ELAVL4: variants seen among roughly 807,000 people sequenced by gnomAD.
ELAVL4 encodes the protein ELAV-like protein 4.
A neutral mutation model predicts 35.6 loss-of-function variants in ELAVL4; 1 was observed. The ratio of observed to expected loss-of-function variants is 0.03; its 90% CI spans 0.01 to 0.13. The LOEUF (loss-of-function observed/expected upper bound fraction) is 0.13, where lower values mean the gene tolerates loss of function less well. Ranked by LOEUF, ELAVL4 falls within the 10% of genes least tolerant of loss-of-function variation. The probability of loss-of-function intolerance (pLI) is 1.00; values close to 1 mark genes in which losing one functional copy is unlikely to be tolerated. For synonymous variants in ELAVL4, 156 were observed against 171.0 expected, an observed-to-expected ratio of 0.91 and a Z score of 0.69; for missense variants, 267 against 464.9, an observed-to-expected ratio of 0.57 and a Z score of 3.91.
chr1:50,061,892 C>T (rs547434996), intron 1 of ELAVL4, among the ~76,000 whole-genome samples: 2 of 152,346 alleles, frequency 1.3e-5, no homozygotes, highest in Admixed American at 1.3e-4. Flanking sequence ...AAAATTTTCA[C>T]AGCAAACTAA....
chr1:50,106,900 A>T (rs1666372572), upstream of ELAVL4, among the ~76,000 whole-genome samples: 1 of 152,220 alleles, frequency 6.6e-6, no homozygotes, highest in South Asian at 2.1e-4. Context: ...CCTAATGTTA[A>T]TTTATGGTTC....
At chr1:50,189,915 A>C (rs1402183979) in intron 3 of ELAVL4, among the ~76,000 whole-genome samples, 1 of 152,246 alleles carries the variant, frequency 6.6e-6, no homozygotes, top group East Asian at 1.9e-4. Flanking sequence ...GATCATAAGC[A>C]TGATGCTATA....
At chr1:50,058,712 C>T (rs1021313561) in intron 1 of ELAVL4, among the ~76,000 whole-genome samples, 11 of 151,832 alleles carry the variant, frequency 7.2e-5, no homozygotes, top group African/African-American at 2.7e-4. Context: ...CCCCCAGGCT[C>T]AGGTAATCCT....
At chr1:50,095,675 T>C (rs1665690677) in intron 1 of ELAVL4, among the ~76,000 whole-genome samples, 1 of 152,236 alleles carries the variant, frequency 6.6e-6, no homozygotes, top group Non-Finnish European at 1.5e-5. Flanking sequence ...TCTGAGAATA[T>C]GGGCTACAAT....
chr1:50,073,716 A>C (rs1457720406), intron 1 of ELAVL4, among the ~76,000 whole-genome samples: 2 of 152,174 alleles, frequency 1.3e-5, no homozygotes, highest in Non-Finnish European at 2.9e-5. Context: ...TTGGTCGTCC[A>C]CTGGAGTTTG....
At chr1:50,163,188 CA>C (rs1243808291) in intron 2 of ELAVL4, among the ~76,000 whole-genome samples, 4 of 152,180 alleles carry the variant, frequency 2.6e-5, no homozygotes, top group Non-Finnish European at 5.9e-5. Flanking sequence ...TGTCTCCTGT[CA>C]ATTTTTTCAA....
chr1:50,055,025 TTC>T (rs1663582138), intron 1 of ELAVL4, among the ~76,000 whole-genome samples: 1 of 152,156 alleles, frequency 6.6e-6, no homozygotes, highest in South Asian at 2.1e-4. Flanking sequence ...TCTCTATGGG[TTC>T]TCTCAAGATC....
intron 2 of ELAVL4, among the ~76,000 whole-genome samples, chr1:50,166,733 T>G (rs1677994835): frequency 6.6e-6 from 1 of 152,214 alleles, no homozygotes; most frequent in African/African-American, 2.4e-5. Context: ...GAATCTCCTG[T>G]ATTCCATGTA....
At chr1:50,091,285 G>A (rs2148505258) in intron 1 of ELAVL4, among the ~76,000 whole-genome samples, 1 of 152,354 alleles carries the variant, frequency 6.6e-6, no homozygotes, top group South Asian at 2.1e-4. Flanking sequence ...GAAACCGTAA[G>A]TGGATCTGCT....
intron 2 of ELAVL4, chr1:50,175,983 G>A (rs1230497291): frequency 3.9e-5 from 6 of 152,148 alleles, no homozygotes; most frequent in Admixed American, 3.9e-4. Context: ...ACATTGCTTG[G>A]GAAGTTCAGG....
chr1:50,160,996 C>G (rs1676707296), intron 2 of ELAVL4, among the ~76,000 whole-genome samples: 2 of 152,094 alleles, frequency 1.3e-5, no homozygotes, highest in Admixed American at 1.3e-4. Flanking sequence ...TCATTTTGCC[C>G]AAAGGCTAAT....
intron 1 of ELAVL4, among the ~76,000 whole-genome samples, chr1:50,135,365 CAGGT>C: frequency 6.6e-6 from 1 of 152,256 alleles, no homozygotes; most frequent in Non-Finnish European, 1.5e-5. Context: ...AGTATCAAAA[CAGGT>C]AGGATTAGTC....
At position 50,203,425 on chromosome 1, in the gene ELAVL4, T is replaced by C. The variant is rs913069221; in HGVS notation, c.*2247T>C. 6.6e-6 allele frequency: 1 copy of C among 152,124 alleles called. No homozygotes were observed. Among genetic ancestry groups the C allele is most frequent in the South Asian group, 2.1e-4 (1 of 4,836 alleles). The allele number at this position is 152,124 out of a possible 1,614,324, so 9.4% of individuals were successfully genotyped here. The stretch of plus-strand genomic sequence containing the variant: ...TTTTGGATATAACACCAGATTTCAG[T>C]TCAGAGAACACTCGTTCAACATTCA... On this transcript the variant is annotated 3_prime_UTR_variant, in exon 7 of 7. Transcript: ENST00000371824.
chr1:50,169,085 T>G (rs1678521685), intron 2 of ELAVL4, among the ~76,000 whole-genome samples: 1 of 151,892 alleles, frequency 6.6e-6, no homozygotes, highest in Admixed American at 6.6e-5. Context: ...GGAGAGCCAG[T>G]CTGAGTCAAA....
upstream of ELAVL4, among the ~76,000 whole-genome samples, chr1:50,108,211 G>T (rs574680471): frequency 6.6e-6 from 1 of 152,252 alleles, no homozygotes; most frequent in South Asian, 2.1e-4. Context: ...GAGGCTGACA[G>T]CTGCCCCTCC....
intron 1 of ELAVL4, among the ~76,000 whole-genome samples, chr1:50,116,527 C>A (rs1192439066): frequency 6.6e-6 from 1 of 151,870 alleles, no homozygotes; most frequent in African/African-American, 2.4e-5. Flanking sequence ...CCTAAGCTGC[C>A]AGTCTAAACC....
intron 1 of ELAVL4, among the ~76,000 whole-genome samples, chr1:50,140,199 T>G (rs886900306): frequency 6.6e-6 from 1 of 152,136 alleles, no homozygotes; most frequent in Non-Finnish European, 1.5e-5. Context: ...CAAAGTTGGC[T>G]GTGAGACCCA....
chr1:50,194,304 G>T (rs1367073797), intron 4 of ELAVL4, among the ~76,000 whole-genome samples: 1 of 152,324 alleles, frequency 6.6e-6, no homozygotes, highest in South Asian at 2.1e-4. Context: ...GCATTATAGA[G>T]TTAGAAGGAA....
intron 1 of ELAVL4, among the ~76,000 whole-genome samples, chr1:50,084,790 A>G (rs1221300766): frequency 6.6e-6 from 1 of 152,108 alleles, no homozygotes; most frequent in Non-Finnish European, 1.5e-5. Context: ...GTTTTCCCTG[A>G]AAGTCTTATC....
Sources: gnomAD v4.1 joint callset for allele counts (sites outside exome capture counted in the v4.1 genomes callset) on GRCh38, gnomAD v4.1.1 for gene constraint, MANE v1.5 for transcripts, NCBI Gene and HGNC (gene_info 2026-07-23, HGNC 2026-07-21) for gene names.